OR2L13: variants seen among roughly 807,000 people sequenced by gnomAD.
OR2L13 encodes olfactory receptor family 2 subfamily L member 13.
OR2L13 carries 14 observed loss-of-function variants against 15.3 expected under a neutral mutation model. That is an observed-to-expected ratio of 0.91 (90% confidence interval 0.60 to 1.43). The LOEUF is 1.43. Ranked by LOEUF, OR2L13 falls within the 40% of genes most tolerant of loss-of-function variation. The pLI is 0.00. For synonymous variants in OR2L13, 152 were observed against 142.9 expected (o/e 1.06, Z -0.45); for missense variants, 367 against 387.9 (o/e 0.95, Z 0.45).
the OR2L13 span, among the ~76,000 whole-genome samples, chr1:248,069,518 T>C: frequency 1.6e-3 from 246 of 152,202 alleles, no homozygotes; most frequent in African/African-American, 5.7e-3. Context: ...CACTGCAAAA[T>C]CATGCCAAAT....
At chr1:248,047,428 G>T in the OR2L13 span, among the ~76,000 whole-genome samples, 266 of 152,192 alleles carry the variant, frequency 1.7e-3, no homozygotes, top group African/African-American at 5.9e-3. Context: ...TAAAGTAAAG[G>T]TACAACGAGA....
chr1:247,982,866 A>T, the OR2L13 span, among the ~76,000 whole-genome samples: 16 of 152,068 alleles, frequency 1.1e-4, no homozygotes, highest in Non-Finnish European at 1.8e-4. Flanking sequence ...ATCTATAATG[A>T]TTTTTTTATT....
At chr1:248,099,776 G>T (rs373253789) in exon 3 of OR2L13, 3 of 1,614,034 alleles carry the variant, frequency 1.9e-6, no homozygotes, top group East Asian at 2.2e-5. Flanking sequence ...TATCCTATCC[G>T]CATGAGTAAA....
the OR2L13 span, among the ~76,000 whole-genome samples, chr1:248,032,742 G>T: frequency 2.0e-4 from 30 of 152,002 alleles, no homozygotes; most frequent in South Asian, 4.2e-4. Context: ...ATTTTTTATT[G>T]ATTTCTCTGT....
At chr1:247,964,772 C>T in the OR2L13 span, among the ~76,000 whole-genome samples, 1 of 150,894 alleles carries the variant, frequency 6.6e-6, no homozygotes, top group South Asian at 2.1e-4. Context: ...AGTTTACACA[C>T]ATATGTGTAT....
At chr1:248,079,056 G>T in the OR2L13 span, among the ~76,000 whole-genome samples, 3 of 151,962 alleles carry the variant, frequency 2.0e-5, no homozygotes, top group Non-Finnish European at 4.4e-5. Context: ...TATCCTGATT[G>T]GGGCGAAGGT....
the OR2L13 span, among the ~76,000 whole-genome samples, chr1:248,009,367 G>A: frequency 8.6e-5 from 13 of 151,806 alleles, no homozygotes; most frequent in East Asian, 3.9e-4. Flanking sequence ...CAGAAACACC[G>A]ACTATCATCA....
the OR2L13 span, among the ~76,000 whole-genome samples, chr1:248,019,872 G>C: frequency 1.3e-5 from 2 of 151,720 alleles, no homozygotes. Context: ...CTGCAACCTC[G>C]GCCTCCTGGG....
the OR2L13 span, among the ~76,000 whole-genome samples, chr1:248,021,324 G>C: frequency 1.3e-5 from 2 of 152,122 alleles, no homozygotes; most frequent in Non-Finnish European, 2.9e-5. Flanking sequence ...TCATCTAAGA[G>C]TTATAAAGTT....
the OR2L13 span, among the ~76,000 whole-genome samples, chr1:248,008,261 C>T: frequency 6.6e-6 from 1 of 152,218 alleles, no homozygotes; most frequent in African/African-American, 2.4e-5. Flanking sequence ...CCTAGTGACA[C>T]CCCTAGAATT....
chr1:248,003,210 T>C, the OR2L13 span: 1 of 1,516,064 alleles, frequency 6.6e-7, no homozygotes, highest in Admixed American at 1.7e-5. Flanking sequence ...CTTTTCCTCT[T>C]CATCCTCATT....
the OR2L13 span, among the ~76,000 whole-genome samples, chr1:248,051,393 T>C: frequency 6.6e-6 from 1 of 152,250 alleles, no homozygotes; most frequent in African/African-American, 2.4e-5. Context: ...GATTTCTTTG[T>C]TGATGACCAC....
the OR2L13 span, chr1:248,084,350 G>C: frequency 1.1e-4 from 173 of 1,612,616 alleles, no homozygotes; most frequent in Non-Finnish European, 1.4e-4. Flanking sequence ...CGGTCAAGTA[G>C]TCAGCCGCCA....
the OR2L13 span, among the ~76,000 whole-genome samples, chr1:247,984,271 T>C: frequency 1.3e-5 from 2 of 150,214 alleles, no homozygotes; most frequent in Non-Finnish European, 3.0e-5. Context: ...AATGAGGTAG[T>C]CAGTTAAAAC....
chr1:248,068,011 G>A, the OR2L13 span, among the ~76,000 whole-genome samples: 1 of 152,208 alleles, frequency 6.6e-6, no homozygotes, highest in Non-Finnish European at 1.5e-5. Flanking sequence ...ACTGGGTGGA[G>A]CCCACCACAG....
chr1:247,945,412 T>C, the OR2L13 span, among the ~76,000 whole-genome samples: 1 of 152,072 alleles, frequency 6.6e-6, no homozygotes, highest in African/African-American at 2.4e-5. Flanking sequence ...TGCTGAGGAG[T>C]GTTTTACTTC....
the OR2L13 span, chr1:247,949,287 A>G: frequency 6.2e-7 from 1 of 1,614,148 alleles, no homozygotes; most frequent in African/African-American, 1.3e-5. Context: ...TGTGCTGATG[A>G]TAACAGGGTC....
At chr1:247,978,507 C>G in the OR2L13 span, among the ~76,000 whole-genome samples, 1 of 152,164 alleles carries the variant, frequency 6.6e-6, no homozygotes. Flanking sequence ...TGTCATTATG[C>G]ATTTCATGTG....
chr1:248,004,126 A>G, the OR2L13 span: 9 of 1,349,424 alleles, frequency 6.7e-6, no homozygotes, highest in South Asian at 1.1e-4. Context: ...AGCAGTGTAT[A>G]GTAATTAAAA....
Sources: allele counts gnomAD v4.1 joint callset (sites outside exome capture counted in the v4.1 genomes callset), GRCh38; gene constraint gnomAD v4.1.1; transcripts MANE v1.5; gene names NCBI Gene and HGNC (gene_info 2026-07-23, HGNC 2026-07-21).